The following UNC79 variants were observed in gnomAD, a reference collection of about 807,000 sequenced individuals.
The protein encoded by UNC79 is protein unc-79 homolog.
Under a neutral mutation model 283.1 loss-of-function variants are expected in UNC79, and 37 were observed. That is an observed-to-expected ratio of 0.13 (90% CI 0.10 to 0.17). UNC79 has a LOEUF of 0.17. Among genes scored for constraint, UNC79 ranks in the 10% least tolerant of loss-of-function variants. The pLI is 1.00. For missense variants in UNC79, 2,272 were observed against 3,211.1 expected, an observed-to-expected ratio of 0.71 and a Z score of 7.07; for synonymous variants, 1,107 against 1,200.2, an observed-to-expected ratio of 0.92 and a Z score of 1.61.
chr14:93,603,288 A>G (rs2065645865), exon 26 of UNC79: 1 of 1,614,216 alleles, frequency 6.2e-7, no homozygotes, highest in African/African-American at 1.3e-5. Context: ...ATGCAGCCTT[A>G]TGGAAGATCA....
rs145963325 is a variant in UNC79 at position 93,451,336 on chromosome 14, T to C, written c.23-16335T>C. Among the ~76,000 whole-genome samples the C allele has an allele frequency of 2.9e-3, 444 of 152,288 alleles. 2 individuals are homozygous for C. The highest frequency in any genetic ancestry group is 0.01 in the African/African-American group (420 of 41,564). ...CCTGGTGTCACTGTCTTCAGACCTTTCCTCTTTGACTTAGTCAGATTCACA... is the reference window on the plus strand; with the variant it reads ...CCTGGTGTCACTGTCTTCAGACCTTCCCTCTTTGACTTAGTCAGATTCACA... On this transcript the variant is annotated intron_variant, in intron 1 of 48. Transcript: ENST00000555664.
At chr14:93,514,046 G>A (rs1457695851) in intron 7 of UNC79, among the ~76,000 whole-genome samples, 4 of 152,132 alleles carry the variant, frequency 2.6e-5, no homozygotes, top group African/African-American at 9.7e-5. Flanking sequence ...AGAGAAAGAA[G>A]AGCAATTTAA....
At chr14:93,420,971 G>A (rs2055585663) in intron 1 of UNC79, among the ~76,000 whole-genome samples, 1 of 151,704 alleles carries the variant, frequency 6.6e-6, no homozygotes. Context: ...GAAGATGGAA[G>A]TTCCCAGCTA....
chr14:93,472,196 A>C (rs1028100315), intron 2 of UNC79, among the ~76,000 whole-genome samples: 1 of 152,140 alleles, frequency 6.6e-6, no homozygotes, highest in Non-Finnish European at 1.5e-5. Flanking sequence ...AGCCATTGTG[A>C]TTCTAGAGGA....
intron 1 of UNC79, among the ~76,000 whole-genome samples, chr14:93,451,300 C>A (rs1053381749): frequency 1.3e-5 from 2 of 152,096 alleles, no homozygotes; most frequent in African/African-American, 2.4e-5. Context: ...GGGCCATTTA[C>A]TGGGGGCACC....
intron 14 of UNC79, among the ~76,000 whole-genome samples, chr14:93,562,323 G>A (rs966180415): frequency 6.6e-6 from 1 of 152,208 alleles, no homozygotes; most frequent in African/African-American, 2.4e-5. Flanking sequence ...GTAGGCAAGA[G>A]AAGATTAGCA....
intron 40 of UNC79, among the ~76,000 whole-genome samples, chr14:93,672,678 T>C (rs1192315679): frequency 6.6e-6 from 1 of 152,226 alleles, no homozygotes; most frequent in Non-Finnish European, 1.5e-5. Flanking sequence ...ATGTTCCCAA[T>C]GCATAGAAAT....
intron 5 of UNC79, among the ~76,000 whole-genome samples, chr14:93,488,984 C>T (rs79032459): frequency 0.014 from 2,131 of 152,316 alleles, 53 homozygotes; most frequent in African/African-American, 0.048. Context: ...CTCTGTCACT[C>T]AGGCTAAAGT....
chr14:93,573,906 G>A (rs1347212129), intron 16 of UNC79, among the ~76,000 whole-genome samples: 1 of 152,188 alleles, frequency 6.6e-6, no homozygotes, highest in East Asian at 1.9e-4. Context: ...TTGGGAGGCC[G>A]AGCCGGGAGA....
intron 1 of UNC79, among the ~76,000 whole-genome samples, chr14:93,394,361 A>C (rs1039255092): frequency 3.0e-4 from 39 of 128,926 alleles, no homozygotes; most frequent in African/African-American, 1.3e-3. Flanking sequence ...CTTTTATTTT[A>C]TTTTATTTTA....
At chr14:93,392,335 C>T (rs897814380) in intron 1 of UNC79, among the ~76,000 whole-genome samples, 8 of 152,154 alleles carry the variant, frequency 5.3e-5, no homozygotes, top group Middle Eastern at 3.4e-3. Context: ...GAACATATAC[C>T]GTGTGCTTTT....
At position 93,347,526 on chromosome 14, in the gene UNC79, G is replaced by C. The variant is rs941778277; in HGVS notation, c.-351+14003G>C. On this transcript the variant is annotated intron_variant, in intron 1 of 49. Coordinates refer to the UNC79 transcript ENST00000256339. ...AGGCTCTTGTGGCTTGGTCGCCGTTGGGGGAGGTTCCTGTGGCTTGGTCGC... is the reference window on the plus strand; with the variant it reads ...AGGCTCTTGTGGCTTGGTCGCCGTTCGGGGAGGTTCCTGTGGCTTGGTCGC... The C allele has an allele frequency of 2.1e-5, 24 of 1,128,302 alleles. No individual in the cohort carries two copies. The African/African-American group carries it at 4.0e-4, about 19-fold the overall frequency. The allele number at this position is 1,128,302 out of a possible 1,614,324, so 69.9% of individuals were successfully genotyped here.
At chr14:93,347,917 T>C in intron 1 of UNC79, 1 of 643,152 alleles carries the variant, frequency 1.6e-6, no homozygotes, top group Non-Finnish European at 2.8e-6. Context: ...CGCCTGTTTC[T>C]AGGACAACGG....
intron 27 of UNC79, 134 bp from the exon 29 acceptor site, chr14:93,616,988 A>C (rs2066780713): frequency 2.7e-6 from 2 of 739,800 alleles, no homozygotes; most frequent in South Asian, 5.1e-5. Context: ...ATTACTTTTA[A>C]TATTCTGTGG....
At chr14:93,586,975 A>C (rs888421441) in intron 22 of UNC79, 67 bp downstream of exon 22, 3 of 1,566,564 alleles carry the variant, frequency 1.9e-6, no homozygotes, top group Non-Finnish European at 2.6e-6. Flanking sequence ...AATTAAAGTT[A>C]GATTAAGATT....
At chr14:93,664,591 G>T (rs539022249) in intron 40 of UNC79, among the ~76,000 whole-genome samples, 1 of 152,248 alleles carries the variant, frequency 6.6e-6, no homozygotes, top group Non-Finnish European at 1.5e-5. Context: ...TAAAAGGGTG[G>T]TTTGGAAAGA....
intron 35 of UNC79, among the ~76,000 whole-genome samples, chr14:93,651,277 C>A (rs1227730583): frequency 1.3e-5 from 2 of 152,154 alleles, no homozygotes; most frequent in African/African-American, 2.4e-5. Context: ...ACATTCTTTA[C>A]ATTTTCATAT....
chr14:93,394,646 A>G (rs1246059498), intron 1 of UNC79, among the ~76,000 whole-genome samples: 1 of 151,978 alleles, frequency 6.6e-6, no homozygotes, highest in East Asian at 1.9e-4. Flanking sequence ...CCTGACCATG[A>G]TCCACCCTCC....
intron 22 of UNC79, among the ~76,000 whole-genome samples, chr14:93,592,968 C>T (rs1425499655): frequency 1.3e-5 from 2 of 152,180 alleles, no homozygotes; most frequent in Admixed American, 6.5e-5. Context: ...TAAGCACAGG[C>T]TGTCCCTGTG....
Sources: allele counts gnomAD v4.1 joint callset (sites outside exome capture counted in the v4.1 genomes callset), GRCh38; gene constraint gnomAD v4.1.1; transcripts MANE v1.5; gene names NCBI Gene and HGNC (gene_info 2026-07-23, HGNC 2026-07-21).